SDK1: variants seen among roughly 807,000 people sequenced by gnomAD.
SDK1 encodes the protein sidekick cell adhesion molecule 1.
SDK1 carries 157 observed loss-of-function variants against 245.5 expected under a neutral mutation model. That is an observed-to-expected ratio of 0.64 (90% confidence interval 0.56 to 0.73). The LOEUF (loss-of-function observed/expected upper bound fraction) is 0.73. Among genes scored for constraint, SDK1 ranks in the 30% least tolerant of loss-of-function variants. The probability of loss-of-function intolerance (pLI) is 0.00; values close to 1 mark genes in which losing one functional copy is unlikely to be tolerated. For missense variants in SDK1, 3,583 were observed against 3,002.3 expected, an observed-to-expected ratio of 1.19 and a Z score of -4.52; for synonymous variants, 1,647 against 1,278.5, an observed-to-expected ratio of 1.29 and a Z score of -6.15.
intron 5 of SDK1, among the ~76,000 whole-genome samples, chr7:3,915,501 G>T (rs564767257): frequency 6.6e-6 from 1 of 152,058 alleles, no homozygotes; most frequent in Non-Finnish European, 1.5e-5. Flanking sequence ...TTCCCCTTTC[G>T]CTTGGCCCTC....
chr7:3,801,888 T>C (rs1336616433), intron 4 of SDK1, among the ~76,000 whole-genome samples: 1 of 152,218 alleles, frequency 6.6e-6, no homozygotes, highest in East Asian at 1.9e-4. Flanking sequence ...CCCTGAAAAC[T>C]CCAGTGAGAA....
chr7:3,910,446 T>C (rs1324082194), intron 5 of SDK1, among the ~76,000 whole-genome samples: 1 of 152,166 alleles, frequency 6.6e-6, no homozygotes, highest in African/African-American at 2.4e-5. Context: ...TTTCTGTGTG[T>C]GTATGTGTGT....
chr7:4,073,714 A>T (rs7789676), intron 20 of SDK1, among the ~76,000 whole-genome samples: 1 of 152,032 alleles, frequency 6.6e-6, no homozygotes, highest in Non-Finnish European at 1.5e-5. Flanking sequence ...CCTTGCACAC[A>T]TCAGGAGGAG....
intron 20 of SDK1, among the ~76,000 whole-genome samples, chr7:4,069,112 C>T (rs1193386474): frequency 2.0e-5 from 3 of 152,164 alleles, no homozygotes; most frequent in Non-Finnish European, 4.4e-5. Context: ...ACAAAAGCAA[C>T]ATAGGCTCTA....
chr7:3,616,047 C>A (rs556360278), intron 1 of SDK1, among the ~76,000 whole-genome samples: 3 of 152,118 alleles, frequency 2.0e-5, no homozygotes, highest in South Asian at 2.1e-4. Flanking sequence ...ACCACACTGG[C>A]TAATTTTTTA....
chr7:3,584,643 C>T (rs1268168037), intron 1 of SDK1, among the ~76,000 whole-genome samples: 1 of 152,128 alleles, frequency 6.6e-6, no homozygotes, highest in Non-Finnish European at 1.5e-5. Flanking sequence ...AGAGAAGTCG[C>T]ACGTGCTTGG....
intron 26 of SDK1, chr7:4,129,698 A>G: frequency 2.9e-6 from 4 of 1,399,098 alleles, no homozygotes; most frequent in South Asian, 1.6e-5. Flanking sequence ...CACTAACTCA[A>G]GCTCCCCTGG....
chr7:3,928,490 T>G (rs1779855407), intron 5 of SDK1, among the ~76,000 whole-genome samples: 2 of 152,186 alleles, frequency 1.3e-5, no homozygotes. Context: ...AAAGTTCAGG[T>G]CAAAAAAATA....
chr7:3,518,266 C>G (rs1782812960), intron 1 of SDK1, among the ~76,000 whole-genome samples: 1 of 151,984 alleles, frequency 6.6e-6, no homozygotes, highest in Non-Finnish European at 1.5e-5. Flanking sequence ...CTTTTCTCTT[C>G]AGGACATTGA....
intron 1 of SDK1, among the ~76,000 whole-genome samples, chr7:3,353,542 T>G (rs544956502): frequency 1.3e-5 from 2 of 152,214 alleles, no homozygotes; most frequent in Non-Finnish European, 2.9e-5. Flanking sequence ...AAAAGTAATG[T>G]GTAGCTCTTT....
intron 35 of SDK1, among the ~76,000 whole-genome samples, chr7:4,185,940 G>C (rs1782870352): frequency 6.6e-6 from 1 of 152,058 alleles, no homozygotes; most frequent in African/African-American, 2.4e-5. Context: ...AAGTGACTGA[G>C]TGACCCCTGA....
chr7:4,053,567 G>A (rs536257801), intron 19 of SDK1, among the ~76,000 whole-genome samples: 1 of 152,168 alleles, frequency 6.6e-6, no homozygotes, highest in South Asian at 2.1e-4. Flanking sequence ...GGAGCTGCCG[G>A]GATGGCTCCC....
chr7:3,496,269 G>A (rs1583950597), intron 1 of SDK1, among the ~76,000 whole-genome samples: 1 of 152,098 alleles, frequency 6.6e-6, no homozygotes, highest in Non-Finnish European at 1.5e-5. Flanking sequence ...ATAGTGTCTG[G>A]TGTGGAAGCA....
intron 1 of SDK1, among the ~76,000 whole-genome samples, chr7:3,489,611 C>G (rs1452688794): frequency 6.6e-6 from 1 of 152,094 alleles, no homozygotes; most frequent in Non-Finnish European, 1.5e-5. Context: ...AAGTGTAACT[C>G]AAGATGTGAT....
intron 1 of SDK1, among the ~76,000 whole-genome samples, chr7:3,416,914 T>A (rs1485821906): frequency 6.6e-6 from 1 of 152,184 alleles, no homozygotes; most frequent in African/African-American, 2.4e-5. Context: ...GGCTCATGCC[T>A]GTAATCCCAG....
intron 1 of SDK1, among the ~76,000 whole-genome samples, chr7:3,404,238 G>A (rs1385671268): frequency 1.3e-5 from 2 of 152,040 alleles, no homozygotes; most frequent in Admixed American, 1.3e-4. Flanking sequence ...CATAATATCT[G>A]TGAAGCACAA....
intron 1 of SDK1, among the ~76,000 whole-genome samples, chr7:3,401,561 G>A (rs867499121): frequency 6.6e-6 from 1 of 152,182 alleles, no homozygotes. Context: ...GCCCAGGTGA[G>A]TCTTGAAGAG....
chr7:4,150,002 C>T (rs942358454), intron 30 of SDK1, among the ~76,000 whole-genome samples: 1 of 152,192 alleles, frequency 6.6e-6, no homozygotes, highest in African/African-American at 2.4e-5. Flanking sequence ...CAGTTGTTTA[C>T]TGGACCTCTG....
chr7:3,893,477 G>T (rs900680381), intron 5 of SDK1, among the ~76,000 whole-genome samples: 1 of 152,022 alleles, frequency 6.6e-6, no homozygotes, highest in South Asian at 2.1e-4. Flanking sequence ...TATTATTTCA[G>T]TTGGCAGCTC....
Sources: gnomAD v4.1 joint callset for allele counts (sites outside exome capture counted in the v4.1 genomes callset) on GRCh38, gnomAD v4.1.1 for gene constraint, MANE v1.5 for transcripts, NCBI Gene and HGNC (gene_info 2026-07-23, HGNC 2026-07-21) for gene names.